Variants in ARAF observed in about 807,000 individuals in gnomAD.
ARAF encodes the protein serine/threonine-protein kinase A-Raf.
A neutral mutation model predicts 48.0 loss-of-function variants in ARAF; 18 were observed. The observed-to-expected ratio is 0.37, with a 90% CI of 0.26 to 0.56. The LOEUF is 0.56. ARAF is among the 20% of genes least tolerant of loss of function. ARAF has a pLI of 0.77. For missense variants in ARAF, 389 were observed against 543.1 expected, an observed-to-expected ratio of 0.72 and a Z score of 2.82; for synonymous variants, 207 against 220.1, an observed-to-expected ratio of 0.94 and a Z score of 0.53.
chrX:47,563,827 T>C (rs2057720856), intron 3 of ARAF, among the ~76,000 whole-genome samples: 1 of 111,765 alleles, frequency 8.9e-6, no homozygotes, highest in African/African-American at 3.3e-5. Context: ...CCACCAACAC[T>C]ACTCTTGTGC....
chrX:47,565,919 T>C (rs1284457718), intron 6 of ARAF: 2 of 161,096 alleles, frequency 1.2e-5, no homozygotes, highest in African/African-American at 6.4e-5. Flanking sequence ...TTATATAATG[T>C]AGAACATCAT....
intron 3 of ARAF, among the ~76,000 whole-genome samples, chrX:47,563,948 CAG>C (rs1379955006): frequency 1.8e-5 from 2 of 112,006 alleles, no homozygotes; most frequent in African/African-American, 6.5e-5. Context: ...GTAGCGTAGA[CAG>C]TGTGGATCTG....
intron 1 of ARAF, among the ~76,000 whole-genome samples, chrX:47,562,528 A>ATTCT (rs1208357172): frequency 9.4e-6 from 1 of 106,703 alleles, no homozygotes; most frequent in East Asian, 2.9e-4. Flanking sequence ...AACCCAGGAC[A>ATTCT]TTCTGTTCGT....
rs769020473 is a variant in ARAF, at chrX:47,564,860, C to T, written c.264C>T (p.Val88=). Residue 88 remains valine (V), a synonymous_variant, in exon 4 of 16, where the codon GTC becomes GTT. Coordinates refer to ENST00000377045, the MANE Select transcript of ARAF (RefSeq NM_001654.5). The part of the protein sequence containing the change: ...IAPLDGEELI[V]EVLEDVPLTM... ...CCCTGGATGGCGAGGAGCTCATTGTCGAGGTCCTTGAAGATGTCCCGCTGA... is the reference window on the plus strand; with the variant it reads ...CCCTGGATGGCGAGGAGCTCATTGTTGAGGTCCTTGAAGATGTCCCGCTGA... 8 of 1,210,900 alleles carry T rather than the reference C, an allele frequency of 6.6e-6. No individual in the cohort carries two copies. In the East Asian group the frequency reaches 1.2e-4, roughly 18 times the overall value.
Position 47,567,030 on chromosome X carries a change from C to T in ARAF, c.772C>T (p.Pro258Ser), listed in dbSNP as rs2057736316. The change falls in exon 9 of 16, where the codon CCC becomes TCC. Residue 258 changes from proline (P) to serine (S), a missense_variant. By Grantham distance (74) the Pro-to-Ser change is moderately conservative. Transcript: ENST00000377045. ...GGSDGTPRGS[P>S]SPASVSSGRK... ...TAGTGATGGAACCCCCCGGGGGAGC[C>T]CCAGCCCAGCCAGCGTGTCCTCGGG... 8.3e-7 allele frequency: 1 copy of T among 1,210,121 alleles called. No individual in the cohort carries two copies. The highest frequency in any genetic ancestry group is 1.7e-5 in the African/African-American group (1 of 57,209).
intron 14 of ARAF, chrX:47,570,251 C>T: frequency 2.6e-6 from 1 of 388,547 alleles, no homozygotes. Context: ...CCCTCTGGGA[C>T]AAAAATCTTT....
chrX:47,566,030 G>A (rs2057731228), intron 6 of ARAF: 2 of 115,358 alleles, frequency 1.7e-5, no homozygotes, highest in South Asian at 7.1e-4. Flanking sequence ...ATAGTGAAGG[G>A]AACATTAACA....
rs2057753594 is a variant in ARAF at position 47,571,027 on chromosome X, G to T, written c.1686+15G>T. The T allele has an allele frequency of 8.3e-7, 1 of 1,205,841 alleles. No homozygotes were observed. Among genetic ancestry groups the T allele is most frequent in the African/African-American group, 1.7e-5 (1 of 57,413 alleles). On this transcript the variant is annotated intron_variant, in intron 15 of 15. Transcript: ENST00000377045. ...TCTTCCCCCAGGTGGGCTGGGTAGG[G>T]GGCTGGACACCTTGGGTGGGTGACT... is the stretch of plus-strand genomic sequence containing the variant.
intron 1 of ARAF, among the ~76,000 whole-genome samples, chrX:47,562,512 A>C (rs2057714296): frequency 9.2e-6 from 1 of 108,979 alleles, no homozygotes; most frequent in Non-Finnish European, 1.9e-5. Flanking sequence ...AAAAAAAAAA[A>C]AAAAAAACCC....
chrX:47,566,935 T>A (rs2147906273), intron 8 of ARAF, 24 bp downstream of exon 8: 1 of 1,211,613 alleles, frequency 8.3e-7, no homozygotes, highest in South Asian at 1.8e-5. Flanking sequence ...GCCTGCACCC[T>A]GACCCCCGCT....
At chrX:47,566,948 C>A in intron 8 of ARAF, 37 bp downstream of exon 8, 1 of 1,211,811 alleles carries the variant, frequency 8.3e-7, no homozygotes, top group Non-Finnish European at 1.1e-6. Context: ...CCCCCGCTGC[C>A]CCACTTACCT....
chrX:47,565,243 G>A lies in ARAF; in HGVS notation c.459-9G>A. ...TGTCCCCTTGCTTTATACCCTTCAT[G>A]CCCTCAAGGTTCTACCACAGTGTCC... On this transcript the variant is annotated splice_polypyrimidine_tract_variant and intron_variant, in intron 5 of 15. Transcript: ENST00000377045. The A allele has an allele frequency of 8.3e-7, 1 of 1,211,080 alleles. No homozygotes were observed. Among genetic ancestry groups the A allele is most frequent in the Non-Finnish European group, 1.1e-6 (1 of 895,249 alleles).
intron 3 of ARAF, among the ~76,000 whole-genome samples, chrX:47,564,205 A>T (rs983142116): frequency 1.8e-5 from 2 of 111,703 alleles, no homozygotes; most frequent in African/African-American, 6.5e-5. Flanking sequence ...TCATTGGTTT[A>T]TTGGCCTGTA....
At position 47,561,969 on chromosome X, in the gene ARAF, A is replaced by ACC. The variant is rs35299477; in HGVS notation, c.-60+729_-60+730dup. Among the ~76,000 whole-genome samples, 142 of 59,006 alleles carry ACC rather than the reference A, an allele frequency of 2.4e-3. 4 individuals carry two copies. The highest frequency in any genetic ancestry group is 7.9e-3 in the African/African-American group (132 of 16,628). The allele number at this position is 59,006 out of a possible 115,157, so 51.2% of individuals were successfully genotyped here. A position where few individuals can be genotyped will look rare whatever the true frequency, so the allele number is the denominator to read the frequency against. On this transcript the variant is annotated intron_variant, in intron 1 of 15. Transcript: ENST00000377045. ...TCTCCCTTCCGCATAGTATGTAGTG[A>ACC]CCCCCCCCCCCCATGAATTCCTCAT...
rs201668130 is a variant in ARAF, at chrX:47,571,209, T to TTGGG, written c.1687-111_1687-108dup. On this transcript the variant is annotated intron_variant, in intron 15 of 15. Coordinates refer to ENST00000377045, the MANE Select transcript of ARAF (RefSeq NM_001654.5). ...GTGTTTCGCCATGAGGCTGGGACTGTTGGGTGTGTGTGTGTGTGTGTGTGT... is the reference window on the plus strand; with the variant it reads ...GTGTTTCGCCATGAGGCTGGGACTGTTGGGTGGGTGTGTGTGTGTGTGTGTGTGT... 2,605 of 792,251 alleles carry TTGGG rather than the reference T, an allele frequency of 3.3e-3. 61 individuals are homozygous for TTGGG. The African/African-American group carries it at 0.062, about 19-fold the overall frequency. 65.3% of individuals were successfully genotyped at this position (792,251 alleles called of 1,213,427 possible). A position where few individuals can be genotyped will look rare whatever the true frequency, so the allele number is the denominator to read the frequency against.
chrX:47,569,462 G>A, intron 12 of ARAF, 77 bp from the exon 13 acceptor site: 3 of 830,735 alleles, frequency 3.6e-6, no homozygotes, highest in African/African-American at 2.0e-5. Flanking sequence ...TGGTATAGGG[G>A]CACCAATGGG....
At chrX:47,561,974 C>G (rs1476403133) in intron 1 of ARAF, among the ~76,000 whole-genome samples, 3 of 97,947 alleles carry the variant, frequency 3.1e-5, no homozygotes, top group African/African-American at 1.1e-4. Flanking sequence ...TAGTGACCCC[C>G]CCCCCCCATG....
At chrX:47,566,454 A>T (rs997588709) in intron 6 of ARAF, among the ~76,000 whole-genome samples, 185 bp from the exon 7 acceptor site, 7 of 111,783 alleles carry the variant, frequency 6.3e-5, no homozygotes, top group Non-Finnish European at 1.3e-4. Context: ...TATCTCCACC[A>T]CCTAGAATGG....
rs2057759149 is a variant in ARAF, at chrX:47,571,647, G to GC, written c.*195dup. ...TTGGGGGACCCCCGCCAAAGACTGA[G>GC]CCCCCTGTCTCCTCCATCATTTGGT... On this transcript the variant is annotated 3_prime_UTR_variant, in exon 16 of 16. Transcript: ENST00000377045. 1.7e-6 allele frequency: 1 copy of GC among 582,559 alleles called. No individual in the cohort carries two copies. The highest frequency in any genetic ancestry group is 2.3e-5 in the African/African-American group (1 of 43,390). 48.0% of individuals were successfully genotyped at this position (582,559 alleles called of 1,213,427 possible). A position where few individuals can be genotyped will look rare whatever the true frequency, so the allele number is the denominator to read the frequency against.
Sources: gnomAD v4.1 joint callset for allele counts (sites outside exome capture counted in the v4.1 genomes callset) on GRCh38, gnomAD v4.1.1 for gene constraint, MANE v1.5 for transcripts, NCBI Gene and HGNC (gene_info 2026-07-23, HGNC 2026-07-21) for gene names.